Variants in CPPED1 observed in about 807,000 individuals in gnomAD.
CPPED1 encodes the protein calcineurin like phosphoesterase domain containing 1.
Under a neutral mutation model 28.0 loss-of-function variants are expected in CPPED1, and 28 were observed. That is an observed-to-expected ratio of 1.00 (90% CI 0.74 to 1.37). The LOEUF (loss-of-function observed/expected upper bound fraction) is 1.37. Among genes scored for constraint, CPPED1 ranks in the 40% most tolerant of loss-of-function variants. The probability of loss-of-function intolerance (pLI) is 0.00; values close to 1 mark genes in which losing one functional copy is unlikely to be tolerated. For synonymous variants in CPPED1, 198 were observed against 180.2 expected (o/e 1.10, Z -0.79); for missense variants, 504 against 416.5 (o/e 1.21, Z -1.83).
At chr16:12,791,948 A>T (rs1457157563) in intron 1 of CPPED1, among the ~76,000 whole-genome samples, 1 of 150,388 alleles carries the variant, frequency 6.6e-6, no homozygotes, top group Non-Finnish European at 1.5e-5. Context: ...AAGTTCTTCC[A>T]GCGGTATCTT....
At chr16:12,763,299 G>A (rs1031987093) in intron 2 of CPPED1, among the ~76,000 whole-genome samples, 3 of 151,710 alleles carry the variant, frequency 2.0e-5, no homozygotes, top group African/African-American at 4.8e-5. Flanking sequence ...CCTGCGTTCA[G>A]GCTATCCTCC....
At chr16:12,690,216 GAC>G (rs2079955171) in intron 3 of CPPED1, among the ~76,000 whole-genome samples, 1 of 152,108 alleles carries the variant, frequency 6.6e-6, no homozygotes, top group African/African-American at 2.4e-5. Context: ...TTTCATGAAA[GAC>G]ACCATCAAGA....
chr16:12,760,167 T>C (rs2080400279), intron 2 of CPPED1, among the ~76,000 whole-genome samples: 1 of 152,222 alleles, frequency 6.6e-6, no homozygotes, highest in Non-Finnish European at 1.5e-5. Context: ...AAGTGATGTG[T>C]AGCACTGTAT....
Position 12,737,094 on chromosome 16 carries a change from G to A in CPPED1, c.290-32045C>T, listed in dbSNP as rs150214775. ...AGTCCCAGCTACTCAGGAGGCTGAG[G>A]CAGGAGAATCTCTTGAACCCGGGAG... On this transcript the variant is annotated intron_variant, in intron 2 of 3. Coordinates refer to ENST00000381774, the MANE Select transcript of CPPED1 (RefSeq NM_018340.3). Among the ~76,000 whole-genome samples, 506 of 152,276 alleles carry A rather than the reference G, an allele frequency of 3.3e-3. 3 individuals carry two copies. Among genetic ancestry groups the A allele is most frequent in the African/African-American group, 0.011 (470 of 41,550 alleles).
intron 2 of CPPED1, among the ~76,000 whole-genome samples, chr16:12,708,175 GAA>G (rs60085959): frequency 6.7e-6 from 1 of 148,824 alleles, no homozygotes; most frequent in African/African-American, 2.5e-5. Context: ...TTTATTGTTG[GAA>G]AAAAAAAAGA....
intron 1 of CPPED1, among the ~76,000 whole-genome samples, chr16:12,802,356 C>T (rs1188660293): frequency 2.0e-5 from 3 of 152,130 alleles, no homozygotes; most frequent in Admixed American, 6.5e-5. Flanking sequence ...AATCCCAGCA[C>T]TTTAGGAGGC....
At chr16:12,773,296 A>C (rs1453555919) in intron 2 of CPPED1, among the ~76,000 whole-genome samples, 2 of 152,222 alleles carry the variant, frequency 1.3e-5, no homozygotes, top group Non-Finnish European at 2.9e-5. Flanking sequence ...TACAAACTTA[A>C]AGCATTTCCC....
chr16:12,717,284 G>A (rs778189654), intron 2 of CPPED1, among the ~76,000 whole-genome samples: 57 of 152,106 alleles, frequency 3.7e-4, no homozygotes, highest in Non-Finnish European at 3.8e-4. Flanking sequence ...TTTTCTTTGA[G>A]GCGGAGTCTC....
chr16:12,773,415 A>G (rs1295914009), intron 2 of CPPED1, among the ~76,000 whole-genome samples: 1 of 152,202 alleles, frequency 6.6e-6, no homozygotes, highest in East Asian at 1.9e-4. Flanking sequence ...ACAAGATTAC[A>G]TTTAATACAT....
At chr16:12,782,619 G>T (rs983058760) in intron 1 of CPPED1, among the ~76,000 whole-genome samples, 23 of 151,184 alleles carry the variant, frequency 1.5e-4, no homozygotes, top group African/African-American at 5.6e-4. Flanking sequence ...CAACACTTTG[G>T]GAGGCCAACA....
intron 1 of CPPED1, among the ~76,000 whole-genome samples, chr16:12,797,102 G>A (rs2080632031): frequency 6.6e-6 from 1 of 152,192 alleles, no homozygotes; most frequent in South Asian, 2.1e-4. Flanking sequence ...GCAACATGAA[G>A]AGACTTGCAA....
At chr16:12,691,858 A>T (rs2079965241) in intron 3 of CPPED1, among the ~76,000 whole-genome samples, 1 of 148,734 alleles carries the variant, frequency 6.7e-6, no homozygotes, top group African/African-American at 2.6e-5. Context: ...GACATGCCTA[A>T]TGTTAAATGA....
chr16:12,736,532 C>T (rs1196259529), intron 2 of CPPED1, among the ~76,000 whole-genome samples: 1 of 152,138 alleles, frequency 6.6e-6, no homozygotes, highest in South Asian at 2.1e-4. Context: ...AGCCACCGCA[C>T]CTGGCCTGGA....
chr16:12,670,051 C>T lies in CPPED1; in HGVS notation c.716-4936G>A, dbSNP rs2079845997. Among the ~76,000 whole-genome samples the T allele has an allele frequency of 1.3e-5, 2 of 152,196 alleles. No individual in the cohort carries two copies. Among genetic ancestry groups the T allele is most frequent in the African/African-American group, 4.8e-5 (2 of 41,438 alleles). ...CATTGACTCATGCCTGCAATCCCAG[C>T]ACTTTGGGAGGCCAAGGTGAGAGGA... is the stretch of plus-strand genomic sequence containing the variant. On this transcript the variant is annotated intron_variant, in intron 3 of 3. Coordinates refer to ENST00000381774, the MANE Select transcript of CPPED1 (RefSeq NM_018340.3). The surrounding 1 kb of genome is among the most constrained non-coding windows in gnomAD (Gnocchi z 4.2).
rs897744541 is a variant in CPPED1 at position 12,663,460 on chromosome 16, C to T, written c.*1426G>A. ...AAGAAACAAATACAAAACAGGATTT[C>T]AGCAAAACACTAAAAGAAGAGCGTT... On this transcript the variant is annotated 3_prime_UTR_variant, in exon 4 of 4. Coordinates refer to ENST00000381774, the MANE Select transcript of CPPED1 (RefSeq NM_018340.3). The T allele has an allele frequency of 1.3e-5, 2 of 152,198 alleles. No individual in the cohort carries two copies. Among genetic ancestry groups the T allele is most frequent in the African/African-American group, 4.8e-5 (2 of 41,454 alleles). The allele number at this position is 152,198 out of a possible 1,614,324, so 9.4% of individuals were successfully genotyped here. A position where few individuals can be genotyped will look rare whatever the true frequency, so the allele number is the denominator to read the frequency against.
chr16:12,739,287 A>G (rs2080242313), intron 2 of CPPED1, among the ~76,000 whole-genome samples: 2 of 152,186 alleles, frequency 1.3e-5, no homozygotes, highest in Admixed American at 1.3e-4. Context: ...GTCCATTAAT[A>G]CCAAAGTGCT....
intron 3 of CPPED1, among the ~76,000 whole-genome samples, chr16:12,678,739 A>G (rs1268904295): frequency 1.3e-5 from 2 of 152,324 alleles, no homozygotes; most frequent in Non-Finnish European, 2.9e-5. Flanking sequence ...TTAACCTTGT[A>G]TCCTGAGACC....
chr16:12,766,476 C>A (rs1258810691), intron 2 of CPPED1, among the ~76,000 whole-genome samples: 1 of 151,892 alleles, frequency 6.6e-6, no homozygotes, highest in Non-Finnish European at 1.5e-5. Flanking sequence ...AAAGCAGAAA[C>A]CCCTGATAAA....
intron 2 of CPPED1, among the ~76,000 whole-genome samples, chr16:12,728,825 G>A (rs971722087): frequency 6.6e-6 from 1 of 152,190 alleles, no homozygotes; most frequent in African/African-American, 2.4e-5. Flanking sequence ...CGAGAGGCAA[G>A]GCCCAGGAGT....
Sources: allele counts gnomAD v4.1 joint callset (sites outside exome capture counted in the v4.1 genomes callset), GRCh38; gene constraint gnomAD v4.1.1; non-coding constraint Gnocchi (gnomAD v3.1); transcripts MANE v1.5; gene names NCBI Gene and HGNC (gene_info 2026-07-23, HGNC 2026-07-21).